Variants in HRH1 observed in about 807,000 individuals in gnomAD.
HRH1 encodes histamine H1 receptor.
Under a neutral mutation model 10.3 loss-of-function variants are expected in HRH1, and 6 were observed. That is an observed-to-expected ratio of 0.58 (90% CI 0.32 to 1.15). The LOEUF is 1.15. HRH1 is among the 50% of genes most tolerant of loss of function. The pLI is 0.05. For missense variants in HRH1, 514 were observed against 615.3 expected (o/e 0.84, Z 1.74); for synonymous variants, 242 against 236.7 (o/e 1.02, Z -0.21).
intron 1 of HRH1, chr3:11,225,897 G>T (rs1938867264): frequency 6.6e-6 from 1 of 152,320 alleles, no homozygotes. Flanking sequence ...GCAGAGTTCA[G>T]CGAAGCCCTG....
chr3:11,244,555 C>T (rs894398818), intron 1 of HRH1, among the ~76,000 whole-genome samples: 3 of 152,208 alleles, frequency 2.0e-5, no homozygotes, highest in Non-Finnish European at 4.4e-5. Flanking sequence ...ATTAATTGAG[C>T]ACCTCATGTA....
At chr3:11,156,149 A>T (rs1374543282) in intron 1 of HRH1, among the ~76,000 whole-genome samples, 1 of 152,206 alleles carries the variant, frequency 6.6e-6, no homozygotes, top group Non-Finnish European at 1.5e-5. Flanking sequence ...AACCCCATGT[A>T]AATCCTCGAG....
At chr3:11,217,671 C>A (rs769440485) in intron 1 of HRH1, among the ~76,000 whole-genome samples, 1 of 152,266 alleles carries the variant, frequency 6.6e-6, no homozygotes, top group African/African-American at 2.4e-5. Flanking sequence ...TATGAATGTA[C>A]TTAACATTGC....
At chr3:11,203,541 A>G (rs1938009500) in intron 1 of HRH1, among the ~76,000 whole-genome samples, 1 of 152,178 alleles carries the variant, frequency 6.6e-6, no homozygotes, top group Non-Finnish European at 1.5e-5. Context: ...TGAAGGGTGT[A>G]AGGTCTGTAT....
chr3:11,240,524 C>T (rs1485195867), intron 1 of HRH1, among the ~76,000 whole-genome samples: 1 of 152,048 alleles, frequency 6.6e-6, no homozygotes, highest in African/African-American at 2.4e-5. Flanking sequence ...AGTAGCTTTT[C>T]TTCTCTGACT....
In HRH1 at chr3:11,260,299, T is replaced by A; in HGVS notation, c.1262T>A (p.Met421Lys). 1 of 1,614,190 alleles carries A rather than the reference T, an allele frequency of 6.2e-7. No individual in the cohort carries two copies. The highest frequency in any genetic ancestry group is 8.5e-7 in the Non-Finnish European group (1 of 1,180,004). ...RKAAKQLGFIMAAFILCWIPY... is the reference protein window; with the variant it reads ...RKAAKQLGFIKAAFILCWIPY... ...GCCGCCAAACAGTTGGGTTTTATCATGGCAGCCTTCATCCTCTGCTGGATC... is the reference window on the plus strand; with the variant it reads ...GCCGCCAAACAGTTGGGTTTTATCAAGGCAGCCTTCATCCTCTGCTGGATC... Residue 421 changes from methionine (M) to lysine (K), a missense_variant, in exon 2 of 2, where the codon ATG (methionine) becomes AAG (lysine). Met to Lys is a moderately conservative substitution (Grantham distance 95). Transcript: ENST00000431010.
chr3:11,207,391 C>A (rs1048463522), intron 1 of HRH1, among the ~76,000 whole-genome samples: 3 of 151,702 alleles, frequency 2.0e-5, no homozygotes, highest in African/African-American at 7.3e-5. Context: ...GGTGAAACCC[C>A]GTCTCTACTT....
chr3:11,213,557 T>C (rs1184423772), intron 1 of HRH1, among the ~76,000 whole-genome samples: 1 of 152,236 alleles, frequency 6.6e-6, no homozygotes, highest in Non-Finnish European at 1.5e-5. Context: ...GGAGGGTTCC[T>C]TCCTCATAAA....
chr3:11,220,103 C>A (rs1302168576), intron 1 of HRH1, among the ~76,000 whole-genome samples: 2 of 152,084 alleles, frequency 1.3e-5, no homozygotes, highest in Non-Finnish European at 2.9e-5. Flanking sequence ...CTCTCTAAGA[C>A]TCAATTAGTA....
At chr3:11,248,146 G>A (rs1407649384) in intron 1 of HRH1, among the ~76,000 whole-genome samples, 2 of 152,142 alleles carry the variant, frequency 1.3e-5, no homozygotes, top group Non-Finnish European at 1.5e-5. Context: ...CACAAACTCC[G>A]CCTTTTTCAG....
intron 1 of HRH1, among the ~76,000 whole-genome samples, chr3:11,189,055 G>T (rs935082426): frequency 6.6e-5 from 10 of 152,178 alleles, no homozygotes; most frequent in Non-Finnish European, 2.9e-5. Flanking sequence ...AAGTATATTT[G>T]CATCAGTTAT....
At chr3:11,142,739 C>G (rs1936316153) in intron 1 of HRH1, among the ~76,000 whole-genome samples, 1 of 152,062 alleles carries the variant, frequency 6.6e-6, no homozygotes, top group African/African-American at 2.4e-5. Context: ...ACAGTGAAAC[C>G]CTGTCTCTAC....
chr3:11,216,885 A>C (rs1003698343), intron 1 of HRH1, among the ~76,000 whole-genome samples: 6 of 150,738 alleles, frequency 4.0e-5, no homozygotes, highest in Non-Finnish European at 7.4e-5. Context: ...GTCTCAAAAA[A>C]AAAAGACCAA....
chr3:11,214,686 A>C (rs1938432857), intron 1 of HRH1, among the ~76,000 whole-genome samples: 1 of 152,268 alleles, frequency 6.6e-6, no homozygotes. Flanking sequence ...CCCAGGGGCC[A>C]GGACTTTAGA....
chr3:11,138,022 T>A (rs930552528), intron 1 of HRH1, among the ~76,000 whole-genome samples: 1 of 151,926 alleles, frequency 6.6e-6, no homozygotes, highest in South Asian at 2.1e-4. Flanking sequence ...CACAAGGAAC[T>A]CTTTTTTTTT....
intron 1 of HRH1, among the ~76,000 whole-genome samples, chr3:11,140,085 G>T (rs549409388): frequency 1.3e-5 from 2 of 152,252 alleles, no homozygotes; most frequent in Non-Finnish European, 2.9e-5. Flanking sequence ...GTAAACAAAG[G>T]GCCGTCCGGA....
chr3:11,253,273 G>T (rs1477205561), intron 1 of HRH1: 5 of 152,174 alleles, frequency 3.3e-5, no homozygotes, highest in Admixed American at 3.3e-4. Context: ...CTGTTGGTGG[G>T]ACTCAAGAGA....
chr3:11,219,671 C>T (rs11709920), intron 1 of HRH1, among the ~76,000 whole-genome samples: 19,988 of 143,824 alleles, frequency 0.14, 1,929 homozygotes, highest in South Asian at 0.32. Context: ...TGAGTTTATG[C>T]CACTGCACTC....
chr3:11,246,537 A>C (rs920155256), intron 1 of HRH1, among the ~76,000 whole-genome samples: 4 of 152,232 alleles, frequency 2.6e-5, no homozygotes, highest in Non-Finnish European at 4.4e-5. Flanking sequence ...CAGGTCCCGA[A>C]GGGAGGGAAA....
Sources: allele counts gnomAD v4.1 joint callset (sites outside exome capture counted in the v4.1 genomes callset), GRCh38; gene constraint gnomAD v4.1.1; transcripts MANE v1.5; gene names NCBI Gene and HGNC (gene_info 2026-07-23, HGNC 2026-07-21).